TMEM132C: variants seen among roughly 807,000 people sequenced by gnomAD.
TMEM132C encodes transmembrane protein 132C, also known as protein phosphatase 1, regulatory subunit 152.
Under a neutral mutation model 61.4 loss-of-function variants are expected in TMEM132C, and 29 were observed. The ratio of observed to expected loss-of-function variants is 0.47; its 90% CI spans 0.35 to 0.64. The LOEUF (loss-of-function observed/expected upper bound fraction) is 0.64. Ranked by LOEUF, TMEM132C falls within the 30% of genes least tolerant of loss-of-function variation. The pLI is 0.00. For missense variants in TMEM132C, 1,408 were observed against 1,476.9 expected (o/e 0.95, Z 0.76); for synonymous variants, 656 against 633.1 (o/e 1.04, Z -0.54).
chr12:128,651,089 A>G lies in TMEM132C; in HGVS notation c.1306-18328A>G, dbSNP rs150136097. On this transcript the variant is annotated intron_variant, in intron 4 of 8. Transcript: ENST00000435159. ...AGATTTCTAAATCCACCATTCCATC[A>G]GGGAGTAAGAAACAAAATTTAGCCC... 7.8e-4 allele frequency among the ~76,000 whole-genome samples: 119 copies of G among 152,302 alleles called. No individual in the cohort carries two copies. The East Asian group carries it at 0.017, about 22-fold the overall frequency.
chr12:128,587,269 G>T (rs1351286355), intron 3 of TMEM132C, among the ~76,000 whole-genome samples: 1 of 152,184 alleles, frequency 6.6e-6, no homozygotes, highest in African/African-American at 2.4e-5. Flanking sequence ...TCACAGTTCT[G>T]CAGGCTGGGA....
chr12:128,277,466 G>A (rs1338592914), intron 1 of TMEM132C, among the ~76,000 whole-genome samples: 1 of 152,196 alleles, frequency 6.6e-6, no homozygotes, highest in Admixed American at 6.5e-5. Flanking sequence ...AAGTTGCAGG[G>A]GCAGATTTTT....
rs1425012514 is a variant in TMEM132C, at chr12:128,326,138, A to G, written c.85+58651A>G. ...TATCACTTCTGTCAGGTGAATAAAT[A>G]CCATTTGTCACATTTTATTGTTTTT... is the stretch of plus-strand genomic sequence containing the variant. On this transcript the variant is annotated intron_variant, in intron 1 of 8. Transcript: ENST00000435159. This position sits in a 1 kb window ranked among gnomAD's most constrained non-coding sequence, Gnocchi z 5.6. Among the ~76,000 whole-genome samples, 1 of 152,070 alleles carries G rather than the reference A, an allele frequency of 6.6e-6. No individual in the cohort carries two copies. Among genetic ancestry groups the G allele is most frequent in the Non-Finnish European group, 1.5e-5 (1 of 68,016 alleles).
At position 128,706,674 on chromosome 12, in the gene TMEM132C, A is replaced by G. The variant is rs1271523283; in HGVS notation, c.*379A>G. Reference sequence around the variant, plus strand: ...GAAATAATCATCTGTTTATATTTCTAATAAAGGAGCAAAATATAAAAATAG... The same window carrying G: ...GAAATAATCATCTGTTTATATTTCTGATAAAGGAGCAAAATATAAAAATAG... On this transcript the variant is annotated 3_prime_UTR_variant, in exon 9 of 9. Coordinates refer to ENST00000435159, the MANE Select transcript of TMEM132C (RefSeq NM_001136103.3). 1 of 164,344 alleles carries G rather than the reference A, an allele frequency of 6.1e-6. No individual in the cohort carries two copies. Among genetic ancestry groups the G allele is most frequent in the Non-Finnish European group, 1.3e-5 (1 of 76,484 alleles). The allele number at this position is 164,344 out of a possible 1,614,324, so 10.2% of individuals were successfully genotyped here. A position where few individuals can be genotyped will look rare whatever the true frequency, so the allele number is the denominator to read the frequency against.
At chr12:128,628,183 C>G (rs1954035285) in intron 4 of TMEM132C, among the ~76,000 whole-genome samples, 1 of 152,316 alleles carries the variant, frequency 6.6e-6, no homozygotes, top group South Asian at 2.1e-4. Flanking sequence ...GTCTCCCCTG[C>G]TCAATGCTGA....
intron 2 of TMEM132C, among the ~76,000 whole-genome samples, chr12:128,479,984 A>G (rs1368831372): frequency 6.6e-6 from 1 of 152,210 alleles, no homozygotes; most frequent in African/African-American, 2.4e-5. Context: ...TTGCCCAGGC[A>G]TGGTGGCTCA....
chr12:128,380,349 A>G (rs1192889786), intron 1 of TMEM132C, among the ~76,000 whole-genome samples: 1 of 152,242 alleles, frequency 6.6e-6, no homozygotes. Context: ...ATCTTGTGTA[A>G]ATGCCAGTGC....
chr12:128,321,062 C>G (rs974192947), intron 1 of TMEM132C, among the ~76,000 whole-genome samples: 3 of 150,840 alleles, frequency 2.0e-5, no homozygotes, highest in Non-Finnish European at 4.4e-5. Flanking sequence ...GGCTTGTAAA[C>G]CATTAACACT....
intron 3 of TMEM132C, among the ~76,000 whole-genome samples, chr12:128,557,176 AC>A (rs1874360088): frequency 1.3e-5 from 2 of 151,996 alleles, no homozygotes; most frequent in African/African-American, 4.8e-5. Context: ...ACACCAAGGG[AC>A]CCTTCCCACT....
At chr12:128,694,983 A>G (rs1385338543) in intron 6 of TMEM132C, among the ~76,000 whole-genome samples, 1 of 152,210 alleles carries the variant, frequency 6.6e-6, no homozygotes, top group African/African-American at 2.4e-5. Context: ...TCATGAGAAT[A>G]ATTATGAGTT....
At chr12:128,690,507 A>G (rs1954711864) in intron 5 of TMEM132C, among the ~76,000 whole-genome samples, 2 of 152,152 alleles carry the variant, frequency 1.3e-5, no homozygotes, top group African/African-American at 4.8e-5. Flanking sequence ...AATTATTTAT[A>G]TATTCGGGAG....
chr12:128,425,382 A>G (rs763913075), intron 2 of TMEM132C, among the ~76,000 whole-genome samples: 2 of 152,264 alleles, frequency 1.3e-5, no homozygotes, highest in Admixed American at 6.5e-5. Flanking sequence ...GATGTCAGAC[A>G]TGCCAGAACC....
chr12:128,583,294 A>G (rs1229968726), intron 3 of TMEM132C, among the ~76,000 whole-genome samples: 1 of 151,654 alleles, frequency 6.6e-6, no homozygotes, highest in African/African-American at 2.4e-5. Context: ...CAACATATAC[A>G]TAAGTAAGAG....
At chr12:128,546,651 AAG>A (rs1242584387) in intron 3 of TMEM132C, among the ~76,000 whole-genome samples, 3 of 152,186 alleles carry the variant, frequency 2.0e-5, no homozygotes, top group Admixed American at 6.5e-5. Context: ...GAGGCACAGA[AAG>A]AGGCACTGCA....
At chr12:128,559,593 C>G (rs1202609089) in intron 3 of TMEM132C, among the ~76,000 whole-genome samples, 4 of 152,166 alleles carry the variant, frequency 2.6e-5, no homozygotes. Flanking sequence ...TCCTCATAAG[C>G]TGTTTGATCC....
chr12:128,573,342 T>C (rs1162605405), intron 3 of TMEM132C, among the ~76,000 whole-genome samples: 1 of 151,828 alleles, frequency 6.6e-6, no homozygotes, highest in Non-Finnish European at 1.5e-5. Context: ...CTGAGCAAAC[T>C]ATCACAAGGA....
At chr12:128,624,484 C>T (rs1271681534) in intron 4 of TMEM132C, among the ~76,000 whole-genome samples, 1 of 139,086 alleles carries the variant, frequency 7.2e-6, no homozygotes, top group East Asian at 2.1e-4. Flanking sequence ...GCAGAGGTTG[C>T]AGTGAGCCGA....
intron 2 of TMEM132C, among the ~76,000 whole-genome samples, chr12:128,506,767 G>A (rs1401762134): frequency 6.6e-6 from 1 of 152,176 alleles, no homozygotes; most frequent in Non-Finnish European, 1.5e-5. Context: ...GGCACATGAA[G>A]TAGACTTGGC....
chr12:128,515,498 T>G (rs915286119), intron 2 of TMEM132C, among the ~76,000 whole-genome samples: 3 of 152,206 alleles, frequency 2.0e-5, no homozygotes, highest in Admixed American at 1.3e-4. Flanking sequence ...AAAAAGTGAA[T>G]GCTCTAGCCA....
Sources: allele counts gnomAD v4.1 joint callset (sites outside exome capture counted in the v4.1 genomes callset), GRCh38; gene constraint gnomAD v4.1.1; non-coding constraint Gnocchi (gnomAD v3.1); transcripts MANE v1.5; gene names NCBI Gene and HGNC (gene_info 2026-07-23, HGNC 2026-07-21).